Variants in RBFOX1 observed in about 807,000 individuals in gnomAD.
The protein encoded by RBFOX1 is RNA binding fox-1 homolog 1, also known as RNA binding protein fox-1 homolog 1.
In RBFOX1, 8 loss-of-function variants were observed where a neutral mutation model predicts 57.7. That is an observed-to-expected ratio of 0.14 (90% CI 0.08 to 0.25). The LOEUF (loss-of-function observed/expected upper bound fraction) is 0.25, where lower values mean the gene tolerates loss of function less well. Among genes scored for constraint, RBFOX1 ranks in the 10% least tolerant of loss-of-function variants. The pLI, the probability that RBFOX1 is intolerant of heterozygous loss-of-function variation, is 1.00. For missense variants in RBFOX1, 611 were observed against 548.5 expected, an observed-to-expected ratio of 1.11 and a Z score of -1.14; for synonymous variants, 326 against 222.4, an observed-to-expected ratio of 1.47 and a Z score of -4.15.
chr16:6,805,297 C>G (rs553833034), intron 3 of RBFOX1, among the ~76,000 whole-genome samples: 1 of 152,118 alleles, frequency 6.6e-6, no homozygotes, highest in Non-Finnish European at 1.5e-5. Flanking sequence ...AACAAAAAAA[C>G]AAATATTGCA....
intron 5 of RBFOX1, among the ~76,000 whole-genome samples, chr16:7,569,869 A>C (rs12445386): frequency 0.39 from 58,954 of 151,830 alleles, 11,825 homozygotes; most frequent in South Asian, 0.53. Flanking sequence ...TCCAAAAAAA[A>C]CAAAACAAAA....
chr16:6,950,458 C>G (rs2080489937), intron 3 of RBFOX1, among the ~76,000 whole-genome samples: 1 of 152,142 alleles, frequency 6.6e-6, no homozygotes, highest in African/African-American at 2.4e-5. Context: ...TAGTGCCTGG[C>G]ACAGAGTAGA....
At chr16:7,400,439 A>C (rs1467392776) in intron 4 of RBFOX1, among the ~76,000 whole-genome samples, 1 of 152,160 alleles carries the variant, frequency 6.6e-6, no homozygotes, top group Admixed American at 6.5e-5. Context: ...AAAGTGAAAA[A>C]ACACAAGAAA....
intron 3 of RBFOX1, among the ~76,000 whole-genome samples, chr16:6,815,526 C>G (rs1220916302): frequency 2.0e-5 from 3 of 152,166 alleles, no homozygotes. Context: ...ACTCCAGCAT[C>G]CCCTACGCCA....
At chr16:7,145,173 AC>A (rs1245641718) in intron 4 of RBFOX1, among the ~76,000 whole-genome samples, 1 of 151,142 alleles carries the variant, frequency 6.6e-6, no homozygotes, top group African/African-American at 2.4e-5. Flanking sequence ...TCATTTCTTT[AC>A]CCCCTACCCT....
At chr16:5,293,337 C>G (rs894193855) in intron 1 of RBFOX1, among the ~76,000 whole-genome samples, 2 of 151,972 alleles carry the variant, frequency 1.3e-5, no homozygotes, top group East Asian at 3.9e-4. Flanking sequence ...ATTGGGGTTG[C>G]TGTTATCACA....
intron 2 of RBFOX1, among the ~76,000 whole-genome samples, chr16:6,621,681 CAG>C (rs2098234480): frequency 6.6e-6 from 1 of 152,160 alleles, no homozygotes; most frequent in South Asian, 2.1e-4. Flanking sequence ...CCATTGCAAA[CAG>C]AGCAAACCCC....
chr16:7,482,494 G>GTTT lies in RBFOX1; in HGVS notation c.28-35652_28-35650dup, dbSNP rs1360375904. Among the ~76,000 whole-genome samples the GTTT allele has an allele frequency of 1.0e-3, 102 of 97,448 alleles. 1 individual carries two copies. Among genetic ancestry groups the GTTT allele is most frequent in the African/African-American group, 5.2e-3 (95 of 18,358 alleles). 63.9% of individuals were successfully genotyped at this position (97,448 alleles called of 152,430 possible). A position where few individuals can be genotyped will look rare whatever the true frequency, so the allele number is the denominator to read the frequency against. On this transcript the variant is annotated intron_variant, in intron 4 of 15. Transcript: ENST00000550418. ...AGTTGTTGTTGTTGTTGTTGTTGTT[G>GTTT]TTTCTTAAATCAAGAGTTTGCATGC...
chr16:7,491,997 C>T (rs1231164457), intron 4 of RBFOX1, among the ~76,000 whole-genome samples: 3 of 152,152 alleles, frequency 2.0e-5, no homozygotes, highest in Non-Finnish European at 4.4e-5. Flanking sequence ...GCTGATAACA[C>T]TCTACTCAGC....
chr16:5,466,955 G>A (rs1421619064), intron 1 of RBFOX1, among the ~76,000 whole-genome samples: 1 of 152,016 alleles, frequency 6.6e-6, no homozygotes, highest in Admixed American at 6.6e-5. Context: ...AATAGTTATT[G>A]GTTAGCTTCC....
intron 1 of RBFOX1, among the ~76,000 whole-genome samples, chr16:5,252,068 C>T (rs904390811): frequency 1.3e-5 from 2 of 152,142 alleles, no homozygotes; most frequent in Non-Finnish European, 2.9e-5. Context: ...CATCCTGCTT[C>T]ATTAGGACAC....
At chr16:6,969,589 A>T (rs1371226156) in intron 3 of RBFOX1, among the ~76,000 whole-genome samples, 3 of 151,932 alleles carry the variant, frequency 2.0e-5, no homozygotes, top group Non-Finnish European at 4.4e-5. Context: ...AAAAATAAAA[A>T]AAAAATTAGT....
chr16:6,989,241 A>G (rs1022228600), intron 3 of RBFOX1, among the ~76,000 whole-genome samples: 1 of 152,072 alleles, frequency 6.6e-6, no homozygotes, highest in Admixed American at 6.5e-5. Flanking sequence ...TTTTAATTGC[A>G]TGTATTGCTT....
chr16:5,727,345 C>A (rs551312259), intron 3 of RBFOX1, among the ~76,000 whole-genome samples: 1 of 152,086 alleles, frequency 6.6e-6, no homozygotes, highest in Non-Finnish European at 1.5e-5. Context: ...TTTCTTCTAG[C>A]TTTATTGAGC....
intron 3 of RBFOX1, among the ~76,000 whole-genome samples, chr16:6,955,366 A>ACGTG: frequency 6.6e-6 from 1 of 151,838 alleles, no homozygotes; most frequent in Non-Finnish European, 1.5e-5. Context: ...ACACACACAC[A>ACGTG]CACACACGTG....
chr16:6,617,406 C>T (rs945480943), intron 2 of RBFOX1, among the ~76,000 whole-genome samples: 2 of 151,984 alleles, frequency 1.3e-5, no homozygotes, highest in African/African-American at 4.8e-5. Flanking sequence ...AATTATGACA[C>T]TCATGCAGAG....
At chr16:7,390,765 CAGAA>C (rs1460460186) in intron 4 of RBFOX1, among the ~76,000 whole-genome samples, 1 of 151,940 alleles carries the variant, frequency 6.6e-6, no homozygotes, top group Non-Finnish European at 1.5e-5. Context: ...TTCAATAGGA[CAGAA>C]AGAGACTATT....
intron 2 of RBFOX1, among the ~76,000 whole-genome samples, chr16:6,437,286 T>G (rs901728666): frequency 2.0e-5 from 3 of 152,216 alleles, no homozygotes; most frequent in Non-Finnish European, 1.5e-5. Context: ...TTTAATTCCA[T>G]TAATTTAAGC....
intron 4 of RBFOX1, among the ~76,000 whole-genome samples, chr16:7,268,355 A>G (rs1280788101): frequency 2.0e-5 from 3 of 152,178 alleles, no homozygotes. Flanking sequence ...CAGGCTGCTG[A>G]AGAAGTCCAG....
Sources: gnomAD v4.1 joint callset for allele counts (sites outside exome capture counted in the v4.1 genomes callset) on GRCh38, gnomAD v4.1.1 for gene constraint, MANE v1.5 for transcripts, NCBI Gene and HGNC (gene_info 2026-07-23, HGNC 2026-07-21) for gene names.